Variants in GPR35 observed in about 807,000 individuals in gnomAD.
GPR35 encodes G protein-coupled receptor 35.
For missense variants in GPR35, 372 were observed against 422.5 expected, an observed-to-expected ratio of 0.88 and a Z score of 1.05; for synonymous variants, 207 against 198.4, an observed-to-expected ratio of 1.04 and a Z score of -0.36.
At chr2:240,609,537 G>T (rs984992100) in intron 2 of GPR35, among the ~76,000 whole-genome samples, 1 of 152,114 alleles carries the variant, frequency 6.6e-6, no homozygotes, top group Non-Finnish European at 1.5e-5. Context: ...ATACCTTGTT[G>T]CTATTGATTT....
intron 5 of GPR35, among the ~76,000 whole-genome samples, chr2:240,620,096 G>A (rs1282383547): frequency 6.6e-6 from 1 of 152,168 alleles, no homozygotes; most frequent in African/African-American, 2.4e-5. Flanking sequence ...GAAAGCCGCT[G>A]GAAATAGCAG....
upstream of GPR35, among the ~76,000 whole-genome samples, chr2:240,623,577 G>A (rs907273988): frequency 2.6e-4 from 40 of 152,134 alleles, no homozygotes; most frequent in Non-Finnish European, 3.7e-4. Context: ...GAGAAACAGC[G>A]CTCTGGAGGG....
chr2:240,630,005 C>G lies in GPR35; in HGVS notation c.53C>G (p.Ala18Gly), dbSNP rs376984747. Residue 18 changes from alanine to glycine, a missense_variant, in exon 2 of 2, where the codon GCG (alanine) becomes GGG (glycine). Physicochemically the swap from Ala to Gly is moderately conservative, Grantham distance 60. Transcript: ENST00000407714. ...CGSSDLTWPP[A>G]IKLGFYAYLG... Reference sequence around the variant, plus strand: ...TCCAGCGACCTCACCTGGCCCCCAGCGATCAAGCTGGGCTTCTACGCCTAC... The same window carrying G: ...TCCAGCGACCTCACCTGGCCCCCAGGGATCAAGCTGGGCTTCTACGCCTAC... The G allele has an allele frequency of 6.2e-7, 1 of 1,611,696 alleles. No individual in the cohort carries two copies. The highest frequency in any genetic ancestry group is 1.1e-5 in the South Asian group (1 of 91,076).
upstream of GPR35, among the ~76,000 whole-genome samples, chr2:240,620,961 G>A (rs1197740437): frequency 6.6e-6 from 1 of 152,258 alleles, no homozygotes; most frequent in Non-Finnish European, 1.5e-5. Flanking sequence ...CCAGGCTTTA[G>A]GCAAGATCAG....
At chr2:240,611,112 G>GTTTGTT (rs776094478) in intron 2 of GPR35, among the ~76,000 whole-genome samples, 1 of 151,576 alleles carries the variant, frequency 6.6e-6, no homozygotes. Context: ...TTTTTTGTTT[G>GTTTGTT]TTTGTTTTTG....
intron 2 of GPR35, among the ~76,000 whole-genome samples, chr2:240,614,978 ATG>A (rs1007087524): frequency 6.6e-6 from 1 of 151,678 alleles, no homozygotes; most frequent in African/African-American, 2.4e-5. Context: ...ATATGTATCT[ATG>A]TGTGTTTATA....
chr2:240,625,073 T>C (rs149592600), upstream of GPR35, among the ~76,000 whole-genome samples: 780 of 152,112 alleles, frequency 5.1e-3, 4 homozygotes, highest in African/African-American at 0.017. Context: ...CACCCTGTCT[T>C]GGGGCTGGGC....
Position 240,630,383 on chromosome 2 carries a change from T to C in GPR35, c.431T>C (p.Val144Ala), listed in dbSNP as rs761304224. Residue 144 changes from valine (V) to alanine (A), a missense_variant, in exon 2 of 2, where the codon GTC becomes GCC. Transcript: ENST00000407714. ...AAVCAVLWVL[V>A]IGSLVARWLL... ...GTGTGCGCGGTCCTCTGGGTGCTGGTCATCGGCTCCCTGGTGGCTCGCTGG... is the reference window on the plus strand; with the variant it reads ...GTGTGCGCGGTCCTCTGGGTGCTGGCCATCGGCTCCCTGGTGGCTCGCTGG... 6.2e-6 allele frequency: 10 copies of C among 1,610,628 alleles called. No individual in the cohort carries two copies. The highest frequency in any genetic ancestry group is 1.6e-4 in the Middle Eastern group (1 of 6,074).
In GPR35 at chr2:240,630,719, G is replaced by A. The variant is rs554457295; in HGVS notation, c.767G>A (p.Arg256His). 111 of 1,613,490 alleles carry A rather than the reference G, an allele frequency of 6.9e-5. 1 individual carries two copies. In the Middle Eastern group the frequency reaches 9.9e-4, roughly 14 times the overall value. ...TGTGCCCTCCTGGAGACGATCCGTC[G>A]CGCCCTGTACATAACCAGCAAGCTC... is the stretch of plus-strand genomic sequence containing the variant. Reference protein sequence around the residue: ...NACALLETIRRALYITSKLSD... With the variant: ...NACALLETIRHALYITSKLSD... The change falls in exon 2 of 2, where the codon CGC becomes CAC. Residue 256 changes from arginine to histidine, a missense_variant. Coordinates refer to ENST00000407714, the MANE Select transcript of GPR35 (RefSeq NM_005301.5).
At chr2:240,619,714 A>T (rs1409185524) in intron 5 of GPR35, among the ~76,000 whole-genome samples, 2 of 152,186 alleles carry the variant, frequency 1.3e-5, no homozygotes. Flanking sequence ...CTCCGCTCTC[A>T]AGAGTTACTC....
upstream of GPR35, among the ~76,000 whole-genome samples, chr2:240,622,936 G>A (rs2043313274): frequency 6.6e-6 from 1 of 152,238 alleles, no homozygotes; most frequent in African/African-American, 2.4e-5. Flanking sequence ...GTCTGAAGCT[G>A]CCCAGCAGGG....
intron 2 of GPR35, among the ~76,000 whole-genome samples, chr2:240,610,641 T>C (rs929874232): frequency 6.6e-6 from 1 of 152,016 alleles, no homozygotes; most frequent in African/African-American, 2.4e-5. Flanking sequence ...TTTAACTTTT[T>C]TTTTTCTTTT....
Position 240,630,758 on chromosome 2 carries a change from G to A in GPR35, c.806G>A (p.Cys269Tyr). The A allele has an allele frequency of 1.2e-6, 2 of 1,613,564 alleles. No individual in the cohort carries two copies. Among genetic ancestry groups the A allele is most frequent in the Non-Finnish European group, 1.7e-6 (2 of 1,180,040 alleles). The change falls in exon 2 of 2, where the codon TGC becomes TAC. Residue 269 changes from cysteine (C) to tyrosine (Y), a missense_variant. Cys to Tyr is a radical substitution (Grantham distance 194). Coordinates refer to ENST00000407714, the MANE Select transcript of GPR35 (RefSeq NM_005301.5). ...ACCAGCAAGCTCTCAGATGCCAACT[G>A]CTGCCTGGACGCCATCTGCTACTAC... ...YITSKLSDAN[C>Y]CLDAICYYYM...
chr2:240,625,371 G>T (rs552670621), upstream of GPR35: 28 of 985,510 alleles, frequency 2.8e-5, 1 homozygote, highest in East Asian at 3.2e-3. Flanking sequence ...GGAGCAGTGG[G>T]GAACTCCTGT....
chr2:240,623,054 G>T, upstream of GPR35, among the ~76,000 whole-genome samples: 1 of 119,418 alleles, frequency 8.4e-6, no homozygotes, highest in East Asian at 2.4e-4. Flanking sequence ...GACCCCAGGC[G>T]ACCGTGCCTG....
At chr2:240,614,801 AGT>A (rs896947371) in intron 2 of GPR35, among the ~76,000 whole-genome samples, 28 of 152,126 alleles carry the variant, frequency 1.8e-4, no homozygotes, top group African/African-American at 6.5e-4. Flanking sequence ...AGCTTATCAG[AGT>A]GTGTGTGTAT....
At chr2:240,621,583 C>T (rs899554704), upstream of GPR35, among the ~76,000 whole-genome samples, 1 of 152,116 alleles carries the variant, frequency 6.6e-6, no homozygotes, top group Non-Finnish European at 1.5e-5. Context: ...CAAAACTATG[C>T]AAAGGACGCA....
chr2:240,625,883 T>C (rs1325602169), intron 1 of GPR35, among the ~76,000 whole-genome samples: 1 of 113,998 alleles, frequency 8.8e-6, no homozygotes, highest in Non-Finnish European at 1.8e-5. Flanking sequence ...GGTGAGGCTG[T>C]GATGGGGGTC....
intron 1 of GPR35, chr2:240,628,716 A>G (rs1254864913): frequency 6.6e-6 from 1 of 152,186 alleles, no homozygotes; most frequent in Non-Finnish European, 1.5e-5. Flanking sequence ...AGGGAGGAGG[A>G]AGGCCCTTCG....
Sources: gnomAD v4.1 joint callset for allele counts (sites outside exome capture counted in the v4.1 genomes callset) on GRCh38, gnomAD v4.1.1 for gene constraint, MANE v1.5 for transcripts, NCBI Gene and HGNC (gene_info 2026-07-23, HGNC 2026-07-21) for gene names.